FHIT: variants seen among roughly 807,000 people sequenced by gnomAD.
FHIT encodes bis(5'-adenosyl)-triphosphatase.
In FHIT, 19 loss-of-function variants were observed where a neutral mutation model predicts 17.9. That is an observed-to-expected ratio of 1.06 (90% CI 0.74 to 1.56). FHIT has a LOEUF of 1.56. Ranked by LOEUF, FHIT falls within the 40% of genes most tolerant of loss-of-function variation. The pLI, the probability that FHIT is intolerant of heterozygous loss-of-function variation, is 0.00. For missense variants in FHIT, 248 were observed against 189.2 expected, an observed-to-expected ratio of 1.31 and a Z score of -1.82; for synonymous variants, 81 against 69.7, an observed-to-expected ratio of 1.16 and a Z score of -0.81.
intron 5 of FHIT, among the ~76,000 whole-genome samples, chr3:60,165,905 C>T (rs1204633887): frequency 6.6e-6 from 1 of 151,998 alleles, no homozygotes; most frequent in African/African-American, 2.4e-5. Context: ...GATCGTGATA[C>T]CTTACAGCAA....
At chr3:60,524,197 GACACACAC>G (rs56975783) in intron 5 of FHIT, among the ~76,000 whole-genome samples, 23,463 of 144,536 alleles carry the variant, frequency 0.16, 1,978 homozygotes, top group Middle Eastern at 0.29. Context: ...GTCAGCCTGA[GACACACAC>G]ACACACACAC....
At chr3:60,234,806 A>AT (rs1704683000) in intron 5 of FHIT, among the ~76,000 whole-genome samples, 1 of 152,186 alleles carries the variant, frequency 6.6e-6, no homozygotes, top group South Asian at 2.1e-4. Flanking sequence ...AGCTTGCTTC[A>AT]TTATGTGTCT....
At chr3:60,647,762 G>T (rs2039894934) in intron 4 of FHIT, among the ~76,000 whole-genome samples, 1 of 152,060 alleles carries the variant, frequency 6.6e-6, no homozygotes, top group Middle Eastern at 3.2e-3. Context: ...AAAATAACTT[G>T]ATATGTTTTA....
chr3:59,890,932 A>C (rs17061366), intron 8 of FHIT, among the ~76,000 whole-genome samples: 10,231 of 152,216 alleles, frequency 0.067, 532 homozygotes, highest in African/African-American at 0.14. Context: ...CTGAAGAACA[A>C]AGAGCACACA....
chr3:60,759,612 T>C (rs1397480389), intron 4 of FHIT, among the ~76,000 whole-genome samples: 1 of 152,028 alleles, frequency 6.6e-6, no homozygotes, highest in East Asian at 1.9e-4. Flanking sequence ...TGTGGTTAAG[T>C]GGGAAACCAA....
rs1247605618 is a variant in FHIT, at chr3:60,546,307, C to T, written c.-17-9328G>A. On this transcript the variant is annotated intron_variant, in intron 4 of 9. Transcript: ENST00000492590. ...TCTCTCCCCATGAGTATGAAAATTA[C>T]ACATTCTATTTTTATTTCAGTAGTG... Among the ~76,000 whole-genome samples, 6 of 152,102 alleles carry T rather than the reference C, an allele frequency of 3.9e-5. No homozygotes were observed. The East Asian group carries it at 1.2e-3, about 29-fold the overall frequency.
At chr3:61,244,417 T>C (rs1191012759) in intron 1 of FHIT, among the ~76,000 whole-genome samples, 1 of 152,228 alleles carries the variant, frequency 6.6e-6, no homozygotes, top group East Asian at 1.9e-4. Context: ...TCCCAGATTT[T>C]GTCCATCAAA....
intron 7 of FHIT, among the ~76,000 whole-genome samples, chr3:59,994,419 A>T (rs1416038791): frequency 6.6e-6 from 1 of 152,084 alleles, no homozygotes; most frequent in Non-Finnish European, 1.5e-5. Flanking sequence ...TTCTCTTGAC[A>T]CCATTTCTGC....
intron 3 of FHIT, among the ~76,000 whole-genome samples, chr3:60,894,600 G>C (rs1485723441): frequency 6.6e-6 from 1 of 151,902 alleles, no homozygotes; most frequent in Non-Finnish European, 1.5e-5. Flanking sequence ...ACTGCATCTG[G>C]AAAGTTAGGC....
At chr3:59,869,110 G>A (rs1179825805) in intron 8 of FHIT, among the ~76,000 whole-genome samples, 4 of 152,144 alleles carry the variant, frequency 2.6e-5, no homozygotes, top group African/African-American at 9.7e-5. Context: ...AGAGTTGGAA[G>A]TTATACTAGC....
chr3:60,580,050 G>A (rs2037702738), intron 4 of FHIT, among the ~76,000 whole-genome samples: 1 of 152,094 alleles, frequency 6.6e-6, no homozygotes, highest in Admixed American at 6.6e-5. Context: ...TTTCATGTCT[G>A]CACATCTCTC....
chr3:60,905,254 T>C (rs1553764251), intron 3 of FHIT, among the ~76,000 whole-genome samples: 1 of 152,168 alleles, frequency 6.6e-6, no homozygotes. Context: ...ATACTATTTC[T>C]TGCCTATGAG....
chr3:59,821,796 A>C (rs939808952), intron 8 of FHIT, among the ~76,000 whole-genome samples: 1 of 150,306 alleles, frequency 6.7e-6, no homozygotes, highest in Non-Finnish European at 1.5e-5. Flanking sequence ...TGATATATTT[A>C]TTTTTAATTT....
intron 8 of FHIT, among the ~76,000 whole-genome samples, chr3:59,854,214 C>T (rs1702058429): frequency 6.6e-6 from 1 of 152,176 alleles, no homozygotes; most frequent in African/African-American, 2.4e-5. Flanking sequence ...GGAAGGAAAT[C>T]AATCTCTGCT....
intron 7 of FHIT, among the ~76,000 whole-genome samples, chr3:59,950,235 C>T (rs1342963551): frequency 6.6e-6 from 1 of 152,186 alleles, no homozygotes; most frequent in African/African-American, 2.4e-5. Flanking sequence ...ATTGTCACTG[C>T]TGTGAGTTAA....
chr3:61,042,131 CAT>C (rs2033548008), intron 2 of FHIT, 32 bp from the exon 3 acceptor site: 2 of 152,146 alleles, frequency 1.3e-5, no homozygotes, highest in South Asian at 4.1e-4. Flanking sequence ...AGATGGGAGA[CAT>C]ATGAAATATC....
At chr3:60,899,760 T>A (rs1435131181) in intron 3 of FHIT, among the ~76,000 whole-genome samples, 1 of 152,142 alleles carries the variant, frequency 6.6e-6, no homozygotes, top group Non-Finnish European at 1.5e-5. Flanking sequence ...CAGGGATACA[T>A]CTTTGTGAGA....
At chr3:60,537,644 T>C (rs941846158) in intron 4 of FHIT, among the ~76,000 whole-genome samples, 2 of 152,074 alleles carry the variant, frequency 1.3e-5, no homozygotes, top group African/African-American at 2.4e-5. Context: ...CGTCTTCCTT[T>C]TGAGGGAAAG....
chr3:60,478,499 G>A (rs549225243), intron 5 of FHIT, among the ~76,000 whole-genome samples: 1 of 152,258 alleles, frequency 6.6e-6, no homozygotes, highest in Non-Finnish European at 1.5e-5. Flanking sequence ...TTGCGGCAAA[G>A]AAAGTGCACT....
Sources: allele counts gnomAD v4.1 joint callset (sites outside exome capture counted in the v4.1 genomes callset), GRCh38; gene constraint gnomAD v4.1.1; transcripts MANE v1.5; gene names NCBI Gene and HGNC (gene_info 2026-07-23, HGNC 2026-07-21).